C18orf54: variants seen among roughly 807,000 people sequenced by gnomAD.
C18orf54 encodes chromosome 18 open reading frame 54, also known as lung adenoma susceptibility protein 2.
In C18orf54, 49 loss-of-function variants were observed where a neutral mutation model predicts 49.3. That is an observed-to-expected ratio of 0.99 (90% CI 0.79 to 1.26). The LOEUF is 1.26. Among genes scored for constraint, C18orf54 ranks in the 50% most tolerant of loss-of-function variants. The probability of loss-of-function intolerance (pLI) is 0.00; values close to 1 mark genes in which losing one functional copy is unlikely to be tolerated. For missense variants in C18orf54, 687 were observed against 620.6 expected, an observed-to-expected ratio of 1.11 and a Z score of -1.14; for synonymous variants, 211 against 216.6, an observed-to-expected ratio of 0.97 and a Z score of 0.23.
chr18:54,361,717 T>A lies in C18orf54; in HGVS notation c.358T>A (p.Ser120Thr). The A allele has an allele frequency of 6.2e-7, 1 of 1,613,952 alleles. No homozygotes were observed. Among genetic ancestry groups the A allele is most frequent in the Non-Finnish European group, 8.5e-7 (1 of 1,179,856 alleles). ...CRRHTVNDID[S>T]MSLTTDDLLR... is the part of the protein sequence containing the mutation. ...AAGACACACCGTTAATGACATAGAC[T>A]CCATGAGCCTAACAACTGATGATCT... is the stretch of plus-strand genomic sequence containing the variant. Residue 120 changes from serine (S) to threonine (T), a missense_variant, in exon 4 of 9, where the codon TCC (serine) becomes ACC (threonine). Ser to Thr is a moderately conservative substitution (Grantham distance 58). Coordinates refer to ENST00000620105, the MANE Select transcript of C18orf54 (RefSeq NM_001288980.2).
chr18:54,372,353 C>T, intron 6 of C18orf54, 113 bp from the exon 7 acceptor site: 1 of 1,026,934 alleles, frequency 9.7e-7, no homozygotes, highest in Non-Finnish European at 1.3e-6. Context: ...TATTGACATA[C>T]ATTGTTTGGA....
At chr18:54,366,867 A>G (rs1258438682) in intron 6 of C18orf54, among the ~76,000 whole-genome samples, 1 of 152,000 alleles carries the variant, frequency 6.6e-6, no homozygotes, top group Admixed American at 6.6e-5. Flanking sequence ...ACAAGTGATT[A>G]TTTCTTAAGG....
At chr18:54,373,141 A>G (rs2144748945) in intron 7 of C18orf54, among the ~76,000 whole-genome samples, 1 of 151,890 alleles carries the variant, frequency 6.6e-6, no homozygotes, top group East Asian at 1.9e-4. Context: ...GCCATTCTAT[A>G]TGATGAATTT....
rs527540222 is a variant in C18orf54 at position 54,380,057 on chromosome 18, C to G, written c.*1811C>G. 1 of 152,086 alleles carries G rather than the reference C, an allele frequency of 6.6e-6. No individual in the cohort carries two copies. The highest frequency in any genetic ancestry group is 2.4e-5 in the African/African-American group (1 of 41,520). The allele number at this position is 152,086 out of a possible 1,614,324, so 9.4% of individuals were successfully genotyped here. A position where few individuals can be genotyped will look rare whatever the true frequency, so the allele number is the denominator to read the frequency against. On this transcript the variant is annotated 3_prime_UTR_variant, in exon 9 of 9. Transcript: ENST00000620105. ...TGTTTTAAATATGGAGAGGTTTAAT[C>G]CTTTACATAACAAAGGAATTAATTT...
chr18:54,377,989 T>A (rs900627515), intron 8 of C18orf54, among the ~76,000 whole-genome samples, 185 bp from the exon 9 acceptor site: 12 of 152,228 alleles, frequency 7.9e-5, no homozygotes, highest in Non-Finnish European at 1.5e-4. Flanking sequence ...TTAGATAAAT[T>A]ATTTTAACCC....
At chr18:54,360,020 A>G (rs577054813) in intron 2 of C18orf54, among the ~76,000 whole-genome samples, 2 of 152,226 alleles carry the variant, frequency 1.3e-5, no homozygotes, top group Non-Finnish European at 2.9e-5. Flanking sequence ...ATGTACTAGC[A>G]TTTATAACAT....
chr18:54,360,902 A>G lies in C18orf54; in HGVS notation c.283+47A>G, dbSNP rs1035187684. On this transcript the variant is annotated intron_variant, in intron 3 of 8. Transcript: ENST00000620105. ...TCTTTGTGTTCAGATGTTTTGAAGC[A>G]TTTGGGAGATGTACTGTAGTATTGT... 2.0e-6 allele frequency: 3 copies of G among 1,528,212 alleles called. No individual in the cohort carries two copies. In the African/African-American group the frequency reaches 4.1e-5, roughly 21 times the overall value. The allele number at this position is 1,528,212 out of a possible 1,614,324, so 94.7% of individuals were successfully genotyped here. A position where few individuals can be genotyped will look rare whatever the true frequency, so the allele number is the denominator to read the frequency against.
chr18:54,368,541 A>G (rs1413134930), intron 6 of C18orf54, among the ~76,000 whole-genome samples: 1 of 152,070 alleles, frequency 6.6e-6, no homozygotes, highest in African/African-American at 2.4e-5. Flanking sequence ...ATATATTGAT[A>G]TCATTAATAT....
chr18:54,360,153 A>G (rs1479178063), intron 2 of C18orf54, among the ~76,000 whole-genome samples: 2 of 152,194 alleles, frequency 1.3e-5, no homozygotes, highest in East Asian at 3.8e-4. Flanking sequence ...AATATGATGT[A>G]TAGGGGAATA....
chr18:54,373,814 C>T (rs1333961949), intron 7 of C18orf54, among the ~76,000 whole-genome samples: 5 of 151,708 alleles, frequency 3.3e-5, no homozygotes, highest in African/African-American at 9.7e-5. Flanking sequence ...CTTTTGAGAA[C>T]CTTCATAGTC....
At position 54,362,292 on chromosome 18, in the gene C18orf54, T is replaced by A; in HGVS notation, c.933T>A (p.Tyr311Ter). ...RLINKLDCFE[Y>*]AFEPSNFSNS... ...TCAATAAATTAGATTGTTTTGAATA[T>A]GCTTTTGAACCCTCAAACTTTTCAA... Residue 311 changes from tyrosine to a stop codon, truncating the protein, a stop_gained, in exon 4 of 9, where the codon TAT becomes TAA. Transcript: ENST00000620105. LOFTEE classifies it high-confidence loss of function. The A allele has an allele frequency of 6.5e-7, 1 of 1,536,352 alleles. No homozygotes were observed. The highest frequency in any genetic ancestry group is 8.7e-7 in the Non-Finnish European group (1 of 1,146,934).
Position 54,360,445 on chromosome 18 carries a change from C to T in C18orf54, c.-46-82C>T, listed in dbSNP as rs552605110. On this transcript the variant is annotated intron_variant, in intron 2 of 8. Transcript: ENST00000620105. ...GGATTTTATTATTTAAAGAAAATTA[C>T]AAAAGGTTTACATATTTAGTAATTT... is the stretch of plus-strand genomic sequence containing the variant. 7.3e-6 allele frequency: 6 copies of T among 821,202 alleles called. No homozygotes were observed. The African/African-American group carries it at 1.0e-4, about 14-fold the overall frequency. 50.9% of individuals were successfully genotyped at this position (821,202 alleles called of 1,614,324 possible).
chr18:54,372,343 T>G (rs2089500397), intron 6 of C18orf54, 123 bp from the exon 7 acceptor site: 6 of 971,474 alleles, frequency 6.2e-6, no homozygotes, highest in Middle Eastern at 2.4e-4. Context: ...TAAAATACTT[T>G]ATTGACATAC....
intron 7 of C18orf54, among the ~76,000 whole-genome samples, chr18:54,373,272 C>T (rs2089519691): frequency 6.6e-6 from 1 of 151,604 alleles, no homozygotes; most frequent in African/African-American, 2.4e-5. Flanking sequence ...TCTTTAGTTT[C>T]AGTTTCCTAT....
chr18:54,377,704 C>T (rs530296795), intron 8 of C18orf54, among the ~76,000 whole-genome samples: 93 of 152,278 alleles, frequency 6.1e-4, no homozygotes, highest in Admixed American at 1.5e-3. Flanking sequence ...TTGTTCAGAT[C>T]TGTAACTAAT....
Position 54,378,368 on chromosome 18 carries a change from T to A in C18orf54, c.*122T>A, listed in dbSNP as rs1223564203. The A allele has an allele frequency of 3.6e-6, 3 of 826,968 alleles. No homozygotes were observed. Among genetic ancestry groups the A allele is most frequent in the Admixed American group, 2.8e-5 (1 of 35,796 alleles). The allele number at this position is 826,968 out of a possible 1,614,324, so 51.2% of individuals were successfully genotyped here. A position where few individuals can be genotyped will look rare whatever the true frequency, so the allele number is the denominator to read the frequency against. On this transcript the variant is annotated 3_prime_UTR_variant, in exon 9 of 9. Transcript: ENST00000620105. The stretch of plus-strand genomic sequence containing the variant: ...CATTATTTTGTGGTTGGTTCAAGGA[T>A]TATATATTTCTAAAACACTAAACTT...
At position 54,362,122 on chromosome 18, in the gene C18orf54, A is replaced by G; in HGVS notation, c.763A>G (p.Ser255Gly). The G allele has an allele frequency of 6.5e-7, 1 of 1,536,722 alleles. No homozygotes were observed. Among genetic ancestry groups the G allele is most frequent in the Non-Finnish European group, 8.7e-7 (1 of 1,146,740 alleles). ...TGACCTTAATGTTTCAGGGATAACT[A>G]GTATACCTGATTTCAAATACCCAGT... ...KSDLNVSGITSIPDFKYPVWL... is the reference protein window; with the variant it reads ...KSDLNVSGITGIPDFKYPVWL... Residue 255 changes from serine to glycine, a missense_variant, in exon 4 of 9, where the codon AGT becomes GGT. By Grantham distance (56) the Ser-to-Gly change is moderately conservative. Transcript: ENST00000620105.
At position 54,380,779 on chromosome 18, in the gene C18orf54, A is replaced by G. The variant is rs1026670430; in HGVS notation, c.*2533A>G. On this transcript the variant is annotated 3_prime_UTR_variant, in exon 9 of 9. Transcript: ENST00000620105. Reference sequence around the variant, plus strand: ...TATTGCCTGAAGATAAATCATGACAAGGTCCCCTGTTTATTCCTGTGTTAC... The same window carrying G: ...TATTGCCTGAAGATAAATCATGACAGGGTCCCCTGTTTATTCCTGTGTTAC... The G allele has an allele frequency of 6.6e-6, 1 of 152,268 alleles. No individual in the cohort carries two copies. Among genetic ancestry groups the G allele is most frequent in the East Asian group, 1.9e-4 (1 of 5,184 alleles). 9.4% of individuals were successfully genotyped at this position (152,268 alleles called of 1,614,324 possible). A position where few individuals can be genotyped will look rare whatever the true frequency, so the allele number is the denominator to read the frequency against.
rs996173427 is a variant in C18orf54 at position 54,380,825 on chromosome 18, G to A, written c.*2579G>A. 4 of 152,104 alleles carry A rather than the reference G, an allele frequency of 2.6e-5. No homozygotes were observed. The highest frequency in any genetic ancestry group is 9.7e-5 in the African/African-American group (4 of 41,436). 9.4% of individuals were successfully genotyped at this position (152,104 alleles called of 1,614,324 possible). A position where few individuals can be genotyped will look rare whatever the true frequency, so the allele number is the denominator to read the frequency against. ...GTTACAGACGCATGGAATTGCTCCT[G>A]TAGATTTGAATTTTTGTTTCATTTT... is the stretch of plus-strand genomic sequence containing the variant. On this transcript the variant is annotated 3_prime_UTR_variant, in exon 9 of 9. Transcript: ENST00000620105.
Sources: allele counts gnomAD v4.1 joint callset (sites outside exome capture counted in the v4.1 genomes callset), GRCh38; gene constraint gnomAD v4.1.1; transcripts MANE v1.5; gene names NCBI Gene and HGNC (gene_info 2026-07-23, HGNC 2026-07-21).